Variants in SYT7 observed in about 807,000 individuals in gnomAD.
The protein encoded by SYT7 is synaptotagmin 7.
Under a neutral mutation model 75.1 loss-of-function variants are expected in SYT7, and 29 were observed. The ratio of observed to expected loss-of-function variants is 0.39; its 90% CI spans 0.29 to 0.53. The LOEUF is 0.53. Ranked by LOEUF, SYT7 falls within the 20% of genes least tolerant of loss-of-function variation. The pLI is 0.77. For missense variants in SYT7, 693 were observed against 953.2 expected (o/e 0.73, Z 3.59); for synonymous variants, 376 against 401.7 (o/e 0.94, Z 0.76).
rs1449342039 is a variant in SYT7, at chr11:61,580,915, C to A, written c.-95G>T. The A allele has an allele frequency of 9.4e-7, 1 of 1,069,164 alleles. No homozygotes were observed. The highest frequency in any genetic ancestry group is 6.3e-5 in the East Asian group (1 of 15,814). The allele number at this position is 1,069,164 out of a possible 1,614,324, so 66.2% of individuals were successfully genotyped here. On this transcript the variant is annotated 5_prime_UTR_variant, in exon 1 of 13. Transcript: ENST00000539008. The surrounding 1 kb of genome is among the most constrained non-coding windows in gnomAD (Gnocchi z 6.1). Reference sequence around the variant, plus strand: ...CCGCTGGGCATGGGGCCGGGCGACCCCCGGGGGCGGGTCCGAGGGCGGGGG... The same window carrying A: ...CCGCTGGGCATGGGGCCGGGCGACCACCGGGGGCGGGTCCGAGGGCGGGGG...
Position 61,551,603 on chromosome 11 carries a change from C to T in SYT7, c.136-140G>A. On this transcript the variant is annotated intron_variant, in intron 2 of 12. Coordinates refer to ENST00000539008, the MANE Select transcript of SYT7 (RefSeq NM_001365809.2). The surrounding 1 kb of genome is among the most constrained non-coding windows in gnomAD (Gnocchi z 5.3). ...GGCCAGGACCAGTGTGCGAGGCTGT[C>T]ACCGCGGTGGGGGCCAATCCCCTGG... 1.2e-6 allele frequency: 1 copy of T among 828,312 alleles called. No homozygotes were observed. The highest frequency in any genetic ancestry group is 1.9e-6 in the Non-Finnish European group (1 of 523,942). The allele number at this position is 828,312 out of a possible 1,614,324, so 51.3% of individuals were successfully genotyped here.
At position 61,515,134 on chromosome 11, in the gene SYT7, T is replaced by C. The variant is rs1467634856; in HGVS notation, c.*3493A>G. Among the ~76,000 whole-genome samples the C allele has an allele frequency of 6.6e-6, 1 of 152,186 alleles. No individual in the cohort carries two copies. Among genetic ancestry groups the C allele is most frequent in the African/African-American group, 2.4e-5 (1 of 41,438 alleles). On this transcript the variant is annotated 3_prime_UTR_variant, in exon 13 of 13. Transcript: ENST00000539008. ...GGGAAGCCAGTGGGATCATATTCTA[T>C]AGAGATCTGAGGATGGCTGGACACT... is the stretch of plus-strand genomic sequence containing the variant.
At chr11:61,557,982 C>A (rs2063540619) in intron 1 of SYT7, among the ~76,000 whole-genome samples, 1 of 152,256 alleles carries the variant, frequency 6.6e-6, no homozygotes, top group South Asian at 2.1e-4. Context: ...GGCAAAGGCG[C>A]TTTCTGGACA....
chr11:61,555,468 C>A (rs981926854), intron 2 of SYT7, among the ~76,000 whole-genome samples: 1 of 152,152 alleles, frequency 6.6e-6, no homozygotes, highest in South Asian at 2.1e-4. Context: ...CCCCGCTCCC[C>A]CTACCGGCGC....
At chr11:61,558,505 T>TACAC (rs34301756) in intron 1 of SYT7, among the ~76,000 whole-genome samples, 5,853 of 134,540 alleles carry the variant, frequency 0.044, 332 homozygotes, top group African/African-American at 0.14. Context: ...CACACACACA[T>TACAC]ACACACACAC....
At chr11:61,559,205 T>C (rs1590925064) in intron 1 of SYT7, among the ~76,000 whole-genome samples, 1 of 152,192 alleles carries the variant, frequency 6.6e-6, no homozygotes, top group East Asian at 1.9e-4. Flanking sequence ...GGAGCACAAA[T>C]GAGGACTTTA....
chr11:61,580,836 G>C lies in SYT7; in HGVS notation c.-16C>G. 8.0e-7 allele frequency: 1 copy of C among 1,256,002 alleles called. No individual in the cohort carries two copies. The highest frequency in any genetic ancestry group is 3.5e-5 in the East Asian group (1 of 28,920). 77.8% of individuals were successfully genotyped at this position (1,256,002 alleles called of 1,614,324 possible). On this transcript the variant is annotated 5_prime_UTR_variant, in exon 1 of 13. Transcript: ENST00000539008. The surrounding 1 kb of genome is among the most constrained non-coding windows in gnomAD (Gnocchi z 6.1). ...CCCGGTACATGGTCCCCTCGTCGCC[G>C]GTTCCCTCCGGGCTCCTCAGAGCCG...
Position 61,519,094 on chromosome 11 carries a change from C to T in SYT7, c.1957-363G>A, listed in dbSNP as rs1306104283. On this transcript the variant is annotated intron_variant, in intron 12 of 12. Coordinates refer to ENST00000539008, the MANE Select transcript of SYT7 (RefSeq NM_001365809.2). ...CCCCCTGAATTATAATCATTCCCAA[C>T]TCCTGGGCACTTGCTACATGTGAGT... Among the ~76,000 whole-genome samples, 6 of 152,378 alleles carry T rather than the reference C, an allele frequency of 3.9e-5. No individual in the cohort carries two copies. In the East Asian group the frequency reaches 9.6e-4, roughly 24 times the overall value.
In SYT7 at chr11:61,518,598, T is replaced by G; in HGVS notation, c.*29A>C. The G allele has an allele frequency of 6.7e-7, 1 of 1,494,446 alleles. No individual in the cohort carries two copies. The highest frequency in any genetic ancestry group is 9.0e-7 in the Non-Finnish European group (1 of 1,109,478). 92.6% of individuals were successfully genotyped at this position (1,494,446 alleles called of 1,614,324 possible). A position where few individuals can be genotyped will look rare whatever the true frequency, so the allele number is the denominator to read the frequency against. On this transcript the variant is annotated 3_prime_UTR_variant, in exon 13 of 13. Coordinates refer to ENST00000539008, the MANE Select transcript of SYT7 (RefSeq NM_001365809.2). ...GAGGGCATGATGGGGACCTGGGCCC[T>G]CGGCCCCCTGGGCCTCCCTTGGCCC...
At position 61,556,195 on chromosome 11, in the gene SYT7, C is replaced by T; in HGVS notation, c.44G>A (p.Arg15His). The T allele has an allele frequency of 4.3e-6, 7 of 1,613,356 alleles. No individual in the cohort carries two copies. The highest frequency in any genetic ancestry group is 1.3e-5 in the African/African-American group (1 of 75,040). ...GATGGCAGAGACCAGCAGGACGTCGCGCGAGGGCGCCCCTGGGGAGGACAG... is the reference window on the plus strand; with the variant it reads ...GATGGCAGAGACCAGCAGGACGTCGTGCGAGGGCGCCCCTGGGGAGGACAG... ...PEAASPGAPS[R>H]DVLLVSAIIT... Residue 15 changes from arginine (R) to histidine (H), a missense_variant, in exon 2 of 13, where the codon CGC (arginine) becomes CAC (histidine). Coordinates refer to ENST00000539008, the MANE Select transcript of SYT7 (RefSeq NM_001365809.2).
rs2062172763 is a variant in SYT7 at position 61,517,306 on chromosome 11, T to C, written c.*1321A>G. 3 of 398,654 alleles carry C rather than the reference T, an allele frequency of 7.5e-6. No homozygotes were observed. Among genetic ancestry groups the C allele is most frequent in the Non-Finnish European group, 4.4e-6 (1 of 226,094 alleles). 24.7% of individuals were successfully genotyped at this position (398,654 alleles called of 1,614,324 possible). A position where few individuals can be genotyped will look rare whatever the true frequency, so the allele number is the denominator to read the frequency against. On this transcript the variant is annotated 3_prime_UTR_variant, in exon 13 of 13. Coordinates refer to ENST00000539008, the MANE Select transcript of SYT7 (RefSeq NM_001365809.2). ...GTGGCCGAGGCAGAGAAACCACAGC[T>C]TCTTTGTGTGTGGCAACCTCAGAAC... is the stretch of plus-strand genomic sequence containing the variant.
chr11:61,574,959 C>G (rs2064029544), intron 1 of SYT7, among the ~76,000 whole-genome samples: 1 of 152,056 alleles, frequency 6.6e-6, no homozygotes, highest in South Asian at 2.1e-4. Context: ...CATGCAGGCG[C>G]CCCTTCTGCC....
intron 6 of SYT7, 84 bp from the exon 7 acceptor site, chr11:61,538,350 A>T: frequency 7.0e-6 from 4 of 571,300 alleles, no homozygotes; most frequent in Admixed American, 3.4e-5. Context: ...AGAGAGGGAG[A>T]GAGAGAGAGA....
chr11:61,551,336 C>T lies in SYT7; in HGVS notation c.215+48G>A. ...GGGGGAGAGAAGGGGCTCCTCCCACCTGGGCTGCTTGTGTGGCCCCATCCC... is the reference window on the plus strand; with the variant it reads ...GGGGGAGAGAAGGGGCTCCTCCCACTTGGGCTGCTTGTGTGGCCCCATCCC... On this transcript the variant is annotated intron_variant, in intron 3 of 12. Coordinates refer to ENST00000539008, the MANE Select transcript of SYT7 (RefSeq NM_001365809.2). The surrounding 1 kb of genome is among the most constrained non-coding windows in gnomAD (Gnocchi z 5.3). 1 of 1,583,724 alleles carries T rather than the reference C, an allele frequency of 6.3e-7. No individual in the cohort carries two copies. Among genetic ancestry groups the T allele is most frequent in the Non-Finnish European group, 8.7e-7 (1 of 1,154,378 alleles).
chr11:61,522,207 T>C (rs887961464), intron 12 of SYT7, among the ~76,000 whole-genome samples: 1 of 149,256 alleles, frequency 6.7e-6, no homozygotes, highest in African/African-American at 2.5e-5. Flanking sequence ...TTTTTTTTTT[T>C]TCAGGCAGAG....
At chr11:61,528,456 G>T (rs2062600223) in intron 8 of SYT7, among the ~76,000 whole-genome samples, 1 of 152,092 alleles carries the variant, frequency 6.6e-6, no homozygotes, top group Non-Finnish European at 1.5e-5. Context: ...TCGCAGCCCT[G>T]GGTCTGCTGC....
At chr11:61,527,847 G>C in intron 9 of SYT7, 68 bp downstream of exon 9, 1 of 1,576,914 alleles carries the variant, frequency 6.3e-7, no homozygotes, top group African/African-American at 1.3e-5. Flanking sequence ...GGCCACAAGT[G>C]TGGTTGGGTA....
Position 61,527,988 on chromosome 11 carries a change from C to T in SYT7, c.1398G>A (p.Lys466=), listed in dbSNP as rs759004508. The T allele has an allele frequency of 3.1e-6, 5 of 1,614,162 alleles. No homozygotes were observed. The highest frequency in any genetic ancestry group is 3.4e-6 in the Non-Finnish European group (4 of 1,180,044). The change falls in exon 9 of 13, where the codon AAG becomes AAA. Residue 466 remains lysine (K), a synonymous_variant. Transcript: ENST00000539008. The part of the protein sequence containing the change: ...PFVKIYLLPD[K]KHKLETKVKR... ...TCACCTTGGTCTCCAGCTTGTGCTT[C>T]TTGTCGGGCAGCAGGTAGATCTTGA...
rs1011521442 is a variant in SYT7 at position 61,576,390 on chromosome 11, G to A, written c.31+4400C>T. Among the ~76,000 whole-genome samples the A allele has an allele frequency of 1.3e-5, 2 of 152,204 alleles. No individual in the cohort carries two copies. The highest frequency in any genetic ancestry group is 2.4e-5 in the African/African-American group (1 of 41,462). On this transcript the variant is annotated intron_variant, in intron 1 of 12. Transcript: ENST00000539008. This position sits in a 1 kb window ranked among gnomAD's most constrained non-coding sequence, Gnocchi z 4.1. ...ACCTGGCCAGACCAGTGACTGCCCC[G>A]ACGAGAGAAAGTTGACCTCTCGGCC...
Sources: gnomAD v4.1 joint callset for allele counts (sites outside exome capture counted in the v4.1 genomes callset) on GRCh38, gnomAD v4.1.1 for gene constraint, Gnocchi (gnomAD v3.1) non-coding constraint, MANE v1.5 for transcripts, NCBI Gene and HGNC (gene_info 2026-07-23, HGNC 2026-07-21) for gene names.